DNM2: variants seen among roughly 807,000 people sequenced by gnomAD.
The protein encoded by DNM2 is dynamin-2.
In DNM2, 15 loss-of-function variants were observed where a neutral mutation model predicts 99.0. That is an observed-to-expected ratio of 0.15 (90% CI 0.10 to 0.23). The LOEUF is 0.23. DNM2 is among the 10% of genes least tolerant of loss of function. The probability of loss-of-function intolerance (pLI) is 1.00; values close to 1 mark genes in which losing one functional copy is unlikely to be tolerated. For missense variants in DNM2, 742 were observed against 1,189.4 expected (o/e 0.62, Z 5.53); for synonymous variants, 525 against 481.2 (o/e 1.09, Z -1.19).
At position 10,762,553 on chromosome 19, in the gene DNM2, A is replaced by G. The variant is rs115969857; in HGVS notation, c.235+2742A>G. Among the ~76,000 whole-genome samples the G allele has an allele frequency of 6.5e-3, 997 of 152,250 alleles. 13 individuals carry two copies. The highest frequency in any genetic ancestry group is 0.023 in the African/African-American group (959 of 41,546). ...AAGCACACGTTATTTACTACATGTC[A>G]GGGAGGAGGGGAGAGAAGCAGGCAG... On this transcript the variant is annotated intron_variant, in intron 2 of 20. Coordinates refer to ENST00000389253, the MANE Select transcript of DNM2 (RefSeq NM_001005361.3).
intron 13 of DNM2, 130 bp downstream of exon 13, chr19:10,806,097 C>A: frequency 8.6e-7 from 1 of 1,165,088 alleles, no homozygotes. Flanking sequence ...AGGCCATCTG[C>A]TCTCTCTAGA....
intron 15 of DNM2, among the ~76,000 whole-genome samples, chr19:10,819,088 C>T (rs370460386): frequency 3.3e-5 from 5 of 152,202 alleles, no homozygotes; most frequent in African/African-American, 9.6e-5. Context: ...TCTGGACAGC[C>T]GTGGCTGGCA....
intron 7 of DNM2, among the ~76,000 whole-genome samples, chr19:10,789,983 G>A (rs1308055896): frequency 6.6e-6 from 1 of 152,266 alleles, no homozygotes; most frequent in Non-Finnish European, 1.5e-5. Context: ...TTGCCTTGCA[G>A]GGCCCTCCCT....
chr19:10,764,089 G>T lies in DNM2; in HGVS notation c.235+4278G>T, dbSNP rs1054082240. Among the ~76,000 whole-genome samples, 1 of 152,170 alleles carries T rather than the reference G, an allele frequency of 6.6e-6. No individual in the cohort carries two copies. Among genetic ancestry groups the T allele is most frequent in the Non-Finnish European group, 1.5e-5 (1 of 68,014 alleles). On this transcript the variant is annotated intron_variant, in intron 2 of 20. Transcript: ENST00000389253. The surrounding 1 kb of genome is among the most constrained non-coding windows in gnomAD (Gnocchi z 4.1). The stretch of plus-strand genomic sequence containing the variant: ...GCGGGCATCAGTGATTGCTGGGGCC[G>T]GCGGGGCCTTGTGGGGTATACACCA...
rs2071828959 is a variant in DNM2 at position 10,793,616 on chromosome 19, G to A, written c.993-104G>A. ...TATAGACAGAAGACATTTTGCTGCT[G>A]AAAAATGGTAAAAGAACAGTAAACC... On this transcript the variant is annotated intron_variant, in intron 7 of 20. Transcript: ENST00000389253. 11 of 1,607,966 alleles carry A rather than the reference G, an allele frequency of 6.8e-6. 1 individual carries two copies. The South Asian group carries it at 1.2e-4, about 18-fold the overall frequency.
At chr19:10,743,128 A>G (rs1376416782) in intron 1 of DNM2, among the ~76,000 whole-genome samples, 3 of 146,194 alleles carry the variant, frequency 2.1e-5, no homozygotes, top group Non-Finnish European at 4.5e-5. Context: ...CTGGTCTTGA[A>G]CTCCTGAGCT....
At chr19:10,756,595 T>C (rs1388569271) in intron 1 of DNM2, among the ~76,000 whole-genome samples, 1 of 152,116 alleles carries the variant, frequency 6.6e-6, no homozygotes, top group Non-Finnish European at 1.5e-5. Context: ...CTCTTTGTCA[T>C]CCTCAGGAGT....
At chr19:10,782,657 C>T (rs951263615) in intron 5 of DNM2, among the ~76,000 whole-genome samples, 1 of 152,120 alleles carries the variant, frequency 6.6e-6, no homozygotes, top group Non-Finnish European at 1.5e-5. Flanking sequence ...CGCTCCCGGC[C>T]GAGATTTTTT....
At position 10,720,212 on chromosome 19, in the gene DNM2, A is replaced by ATTTT. The variant is rs1466145085; in HGVS notation, c.161+1812_161+1813insTTTT. Reference sequence around the variant, plus strand: ...CAAGTTTATTTTATTTTATTTATTTATTTATTTTTTTTTTTTTTGAGACAG... The same window carrying ATTTT: ...CAAGTTTATTTTATTTTATTTATTTATTTTTTTATTTTTTTTTTTTTTGAGACAG... On this transcript the variant is annotated intron_variant, in intron 1 of 20. Coordinates refer to ENST00000389253, the MANE Select transcript of DNM2 (RefSeq NM_001005361.3). 1.2e-4 allele frequency among the ~76,000 whole-genome samples: 17 copies of ATTTT among 145,434 alleles called. No homozygotes were observed. In the South Asian group the frequency reaches 3.2e-3, roughly 27 times the overall value.
chr19:10,762,532 A>G (rs531851086), intron 2 of DNM2, among the ~76,000 whole-genome samples: 12 of 152,258 alleles, frequency 7.9e-5, no homozygotes, highest in African/African-American at 2.9e-4. Context: ...GCCTTAAAGC[A>G]CACGTTATTT....
At chr19:10,792,417 G>A (rs2071783468) in intron 7 of DNM2, among the ~76,000 whole-genome samples, 2 of 152,192 alleles carry the variant, frequency 1.3e-5, no homozygotes, top group South Asian at 2.1e-4. Flanking sequence ...CCTAAGGAGA[G>A]CAATTAGGAA....
At chr19:10,726,433 A>G (rs2069118958) in intron 1 of DNM2, among the ~76,000 whole-genome samples, 1 of 152,250 alleles carries the variant, frequency 6.6e-6, no homozygotes, top group Non-Finnish European at 1.5e-5. Flanking sequence ...CTATCAGTGC[A>G]GGCAATGTTC....
chr19:10,731,649 C>T (rs956450476), intron 1 of DNM2, among the ~76,000 whole-genome samples: 3 of 152,228 alleles, frequency 2.0e-5, no homozygotes, highest in Non-Finnish European at 2.9e-5. Flanking sequence ...CCGCCGTGCC[C>T]GGCCCCCAGG....
intron 1 of DNM2, among the ~76,000 whole-genome samples, chr19:10,742,206 C>T (rs777293728): frequency 3.3e-5 from 5 of 152,064 alleles, no homozygotes; most frequent in Non-Finnish European, 5.9e-5. Context: ...CTGCTATGCT[C>T]AGGGTGGATA....
At chr19:10,790,471 G>GT (rs1048571842) in intron 7 of DNM2, among the ~76,000 whole-genome samples, 7 of 151,710 alleles carry the variant, frequency 4.6e-5, no homozygotes, top group South Asian at 4.2e-4. Flanking sequence ...GTATTTGGTG[G>GT]TTTTTTTTGT....
rs764756401 is a variant in DNM2, at chr19:10,811,786, C to A, written c.1558-478C>A. On this transcript the variant is annotated intron_variant, in intron 14 of 20. Transcript: ENST00000389253. This position sits in a 1 kb window ranked among gnomAD's most constrained non-coding sequence, Gnocchi z 5.4. ...CCTGATGTGTCAGTCAAAAGGATGACCACCAGGCTTGCAGCCAGCTTGGGA... is the reference window on the plus strand; with the variant it reads ...CCTGATGTGTCAGTCAAAAGGATGAACACCAGGCTTGCAGCCAGCTTGGGA... The A allele has an allele frequency of 3.9e-6, 2 of 518,384 alleles. No individual in the cohort carries two copies. Among genetic ancestry groups the A allele is most frequent in the African/African-American group, 3.8e-5 (2 of 51,956 alleles). 32.1% of individuals were successfully genotyped at this position (518,384 alleles called of 1,614,324 possible).
chr19:10,732,291 G>T, intron 1 of DNM2, among the ~76,000 whole-genome samples: 2 of 124,494 alleles, frequency 1.6e-5, no homozygotes, highest in Admixed American at 8.6e-5. Flanking sequence ...CTGTTTACTC[G>T]TTGTGGAGAA....
In DNM2 at chr19:10,797,374, A is replaced by C; in HGVS notation, c.1197-6A>C. The stretch of plus-strand genomic sequence containing the variant: ...TCTGCCTCATCCTGCCCTCCGCATG[A>C]CCCAGGACGGGGCTCTTCACCCCCG... On this transcript the variant is annotated splice_region_variant and splice_polypyrimidine_tract_variant and intron_variant, in intron 9 of 20. Transcript: ENST00000389253. 1 of 1,612,166 alleles carries C rather than the reference A, an allele frequency of 6.2e-7. No individual in the cohort carries two copies. Among genetic ancestry groups the C allele is most frequent in the South Asian group, 1.1e-5 (1 of 90,978 alleles).
rs536433645 is a variant in DNM2 at position 10,796,291 on chromosome 19, C to T, written c.1196+852C>T. 5.1e-5 allele frequency: 80 copies of T among 1,578,108 alleles called. No individual in the cohort carries two copies. In the East Asian group the frequency reaches 1.8e-3, roughly 35 times the overall value. ...GCTCCCAGCGCCTCATTGGCCCCCACTGGTGCCTTTTCTCCCCATATCGCT... is the reference window on the plus strand; with the variant it reads ...GCTCCCAGCGCCTCATTGGCCCCCATTGGTGCCTTTTCTCCCCATATCGCT... On this transcript the variant is annotated intron_variant, in intron 9 of 20. Coordinates refer to ENST00000389253, the MANE Select transcript of DNM2 (RefSeq NM_001005361.3). The surrounding 1 kb of genome is among the most constrained non-coding windows in gnomAD (Gnocchi z 5.6).
Sources: gnomAD v4.1 joint callset for allele counts (sites outside exome capture counted in the v4.1 genomes callset) on GRCh38, gnomAD v4.1.1 for gene constraint, Gnocchi (gnomAD v3.1) non-coding constraint, MANE v1.5 for transcripts, NCBI Gene and HGNC (gene_info 2026-07-23, HGNC 2026-07-21) for gene names.